ESX1: variants seen among roughly 807,000 people sequenced by gnomAD.
ESX1 encodes the protein homeobox protein ESX1.
In ESX1, 2 loss-of-function variants were observed where a neutral mutation model predicts 13.2. The ratio of observed to expected loss-of-function variants is 0.15; its 90% CI spans 0.06 to 0.48. The LOEUF is 0.48. ESX1 is among the 20% of genes least tolerant of loss of function. The pLI is 0.97. For missense variants in ESX1, 307 were observed against 379.0 expected (o/e 0.81, Z 1.58); for synonymous variants, 157 against 163.1 (o/e 0.96, Z 0.29).
intron 1 of ESX1, 47 bp from the exon 2 acceptor site, chrX:104,254,624 C>G: frequency 8.5e-7 from 1 of 1,182,033 alleles, no homozygotes; most frequent in Non-Finnish European, 1.1e-6. Flanking sequence ...TTGGAGCCCA[C>G]GGCGCGTGGG....
chrX:104,250,236 A>G lies in ESX1; in HGVS notation c.1213T>C (p.Phe405Leu). 1.7e-6 allele frequency: 2 copies of G among 1,205,642 alleles called. No individual in the cohort carries two copies. The highest frequency in any genetic ancestry group is 2.2e-6 in the Non-Finnish European group (2 of 892,265). Reference sequence around the variant, plus strand: ...GTTATGAATACCTTACTTTAGAAAAAGGGACATGCATAATAACTGTTGATG... The same window carrying G: ...GTTATGAATACCTTACTTTAGAAAAGGGGACATGCATAATAACTGTTGATG... ...PVINSYYACPFF is the reference protein window; with the variant it reads ...PVINSYYACPLF The change falls in exon 4 of 4, where the codon TTT becomes CTT. Residue 405 changes from phenylalanine (F) to leucine (L), a missense_variant. Phe to Leu is a conservative substitution (Grantham distance 22, BLOSUM62 0). This residue lies in a region of ESX1 where 47 missense variants were observed against 117.0 expected (regional missense o/e 0.40). Transcript: ENST00000372588.
chrX:104,254,004 C>A (rs1291019596), intron 2 of ESX1, 150 bp downstream of exon 2: 3 of 710,957 alleles, frequency 4.2e-6, no homozygotes, highest in Non-Finnish European at 6.2e-6. Context: ...ACCCTAGTCC[C>A]GCCCCAGTCT....
chrX:104,254,814 A>G lies in ESX1; in HGVS notation c.36T>C (p.Ile12=), dbSNP rs1923293809. The change falls in exon 1 of 4, where the codon ATT becomes ATC. Residue 12 remains isoleucine (I), a synonymous_variant. Transcript: ENST00000372588. ...CGCCGACTGCCAGGCTGCGGTAGCC[A>G]ATATCACTGTGGGTGTACCCGCGAA... The part of the protein sequence containing the change: ...ESLRGYTHSD[I]GYRSLAVGED... 1 of 1,209,491 alleles carries G rather than the reference A, an allele frequency of 8.3e-7. No individual in the cohort carries two copies. The highest frequency in any genetic ancestry group is 3.0e-5 in the East Asian group (1 of 33,733).
intron 2 of ESX1, 100 bp downstream of exon 2, chrX:104,254,054 A>C (rs1162623111): frequency 4.8e-6 from 5 of 1,041,639 alleles, no homozygotes; most frequent in Non-Finnish European, 6.4e-6. Context: ...TCCCCCAAAA[A>C]CCAAGGGCGG....
rs1556393895 is a variant in ESX1, at chrX:104,250,437, G to A, written c.1012C>T (p.Arg338Cys). Residue 338 changes from arginine to cysteine, a missense_variant, in exon 4 of 4, where the codon CGT (arginine) becomes TGT (cysteine). By Grantham distance (180) the Arg-to-Cys change is radical. This residue lies in a region of ESX1 where 47 missense variants were observed against 117.0 expected (regional missense o/e 0.40). Transcript: ENST00000372588. ...ARVPPGPPMARVPPGPPMAPL... is the reference protein window; with the variant it reads ...ARVPPGPPMACVPPGPPMAPL... ...GCCATGGGCGGCCCGGGTGGCACAC[G>A]CGCCATGGGCGGCCCGGGTGGCACA... 2.2e-6 allele frequency: 2 copies of A among 926,306 alleles called. No individual in the cohort carries two copies. Among genetic ancestry groups the A allele is most frequent in the South Asian group, 1.1e-4 (2 of 17,778 alleles). The allele number at this position is 926,306 out of a possible 1,213,427, so 76.3% of individuals were successfully genotyped here.
intron 2 of ESX1, 56 bp downstream of exon 2, chrX:104,254,098 A>G: frequency 9.6e-6 from 11 of 1,144,658 alleles, no homozygotes; most frequent in Non-Finnish European, 1.3e-5. Context: ...CGTGGCTTTT[A>G]GCTCCGGTGA....
rs191047430 is a variant in ESX1, at chrX:104,253,445, G to A, written c.507-617C>T. Among the ~76,000 whole-genome samples the A allele has an allele frequency of 3.2e-4, 35 of 110,789 alleles. No homozygotes were observed. The East Asian group carries it at 7.7e-3, about 24-fold the overall frequency. On this transcript the variant is annotated intron_variant, in intron 2 of 3. Transcript: ENST00000372588. The stretch of plus-strand genomic sequence containing the variant: ...AATTAAATGCCAAAACACCTTTAAA[G>A]CGCTGTATTGAACCACAGTATTTCT...
At position 104,254,540 on chromosome X, in the gene ESX1, T is replaced by C; in HGVS notation, c.120A>G (p.Gly40=). 8.3e-7 allele frequency: 1 copy of C among 1,209,625 alleles called. No homozygotes were observed. The highest frequency in any genetic ancestry group is 1.1e-6 in the Non-Finnish European group (1 of 893,987). Residue 40 remains glycine, a synonymous_variant, in exon 2 of 4, where the codon GGA becomes GGG. Transcript: ENST00000372588. The part of the protein sequence containing the change: ...KLTVTSLMAR[G]GEDEENTRSK... ...ACCGTGTATTCTCCTCGTCCTCTCC[T>C]CCCCTTGCCATCAGCGAGGTCACGG...
chrX:104,251,604 T>A (rs782217828), intron 3 of ESX1, among the ~76,000 whole-genome samples: 85 of 112,329 alleles, frequency 7.6e-4, no homozygotes, highest in Admixed American at 1.7e-3. Context: ...TTATTTATTT[T>A]TTTGCAAATA....
Position 104,254,314 on chromosome X carries a change from T to C in ESX1, c.346A>G (p.Thr116Ala). 1.7e-6 allele frequency: 2 copies of C among 1,211,291 alleles called. No homozygotes were observed. Among genetic ancestry groups the C allele is most frequent in the South Asian group, 3.5e-5 (2 of 56,971 alleles). The change falls in exon 2 of 4, where the codon ACG becomes GCG. Residue 116 changes from threonine (T) to alanine (A), a missense_variant. Around this residue, in one of 3 missense-constraint regions of ESX1, gnomAD observed 152 missense variants for 114.5 expected, o/e 1.33. Coordinates refer to ENST00000372588, the MANE Select transcript of ESX1 (RefSeq NM_153448.4). ...GCCGGCTGTGGCCCCTCCACGGTCG[T>C]CTGGGGCGGCTCCTCCTGCTCTTGC... ...LKQEQEEPPQ[T>A]TVEGPQPAEG...
chrX:104,250,331 G>GCCATGGGCGGCCCGGGTGGCAGAGGCA lies in ESX1; in HGVS notation c.1117_1118insTGCCTCTGCCACCCGGGCCGCCCATGG (p.Met372_Ala373insValProLeuProProGlyProProMet). On this transcript the variant is annotated inframe_insertion, in exon 4 of 4. Coordinates refer to ENST00000372588, the MANE Select transcript of ESX1 (RefSeq NM_153448.4). ...CACATGTGACCTGGGTGGCAGAGGC[G>GCCATGGGCGGCCCGGGTGGCAGAGGCA]CCATGGGCGGCCCGGGTGGCAGAGG... 2.6e-6 allele frequency: 3 copies of GCCATGGGCGGCCCGGGTGGCAGAGGCA among 1,150,608 alleles called. No individual in the cohort carries two copies. Among genetic ancestry groups the GCCATGGGCGGCCCGGGTGGCAGAGGCA allele is most frequent in the South Asian group, 2.1e-5 (1 of 48,280 alleles). The allele number at this position is 1,150,608 out of a possible 1,213,427, so 94.8% of individuals were successfully genotyped here.
At chrX:104,253,870 T>C (rs1001115927) in intron 2 of ESX1, among the ~76,000 whole-genome samples, 20 of 112,373 alleles carry the variant, frequency 1.8e-4, no homozygotes, top group African/African-American at 6.5e-4. Context: ...AACTCGATAA[T>C]CAAGACAAAT....
rs782244420 is a variant in ESX1, at chrX:104,252,853, T to C, written c.507-25A>G. On this transcript the variant is annotated intron_variant, in intron 2 of 3. Coordinates refer to ENST00000372588, the MANE Select transcript of ESX1 (RefSeq NM_153448.4). ...TCTTAGGGGAGAAAATTACAAATAT[T>C]CAGTATTTGGAGTTGTGGATAAAAT... is the stretch of plus-strand genomic sequence containing the variant. 3 of 1,187,323 alleles carry C rather than the reference T, an allele frequency of 2.5e-6. No homozygotes were observed. The African/African-American group carries it at 5.3e-5, about 21-fold the overall frequency.
chrX:104,254,193 T>C lies in ESX1; in HGVS notation c.467A>G (p.Asn156Ser). Reference protein sequence around the residue: ...FTQFQLQELENFFDESQYPDV... With the variant: ...FTQFQLQELESFFDESQYPDV... ...GGGATATTGAGATTCATCGAAAAAG[T>C]TCTCTAGCTCCTGCAGCTGAAACTG... The change falls in exon 2 of 4, where the codon AAC becomes AGC. Residue 156 changes from asparagine (N) to serine (S), a missense_variant. Physicochemically the swap from Asn to Ser is conservative, Grantham distance 46. Around this residue, in one of 3 missense-constraint regions of ESX1, gnomAD observed 108 missense variants for 147.5 expected, o/e 0.73. Transcript: ENST00000372588. 3 of 1,209,344 alleles carry C rather than the reference T, an allele frequency of 2.5e-6. No homozygotes were observed. Among genetic ancestry groups the C allele is most frequent in the Non-Finnish European group, 3.4e-6 (3 of 894,009 alleles).
chrX:104,252,978 G>A, intron 2 of ESX1, 150 bp from the exon 3 acceptor site: 1 of 460,058 alleles, frequency 2.2e-6, no homozygotes, highest in Middle Eastern at 6.0e-4. Flanking sequence ...GTGAAACCCT[G>A]TCTCTACTAA....
intron 2 of ESX1, among the ~76,000 whole-genome samples, chrX:104,253,412 C>CA (rs200837251): frequency 0.17 from 18,575 of 106,612 alleles, 1,343 homozygotes; most frequent in African/African-American, 0.25. Context: ...AAAAAAAAAA[C>CA]AAAAAAAAAT....
rs202022977 is a variant in ESX1 at position 104,254,795 on chromosome X, C to A, written c.55G>T (p.Val19Phe). The change falls in exon 1 of 4, where the codon GTC becomes TTC. Residue 19 changes from valine (V) to phenylalanine (F), a missense_variant. Around this residue, in one of 3 missense-constraint regions of ESX1, gnomAD observed 152 missense variants for 114.5 expected, o/e 1.33. Transcript: ENST00000372588. The part of the protein sequence containing the change: ...HSDIGYRSLA[V>F]GEDIEEVNDE... ...TTCACTTCCTCGATGTCCTCGCCGA[C>A]TGCCAGGCTGCGGTAGCCAATATCA... 1.0e-4 allele frequency: 124 copies of A among 1,209,509 alleles called. No homozygotes were observed. The highest frequency in any genetic ancestry group is 1.3e-4 in the Non-Finnish European group (118 of 894,314).
chrX:104,254,017 T>A (rs1354776456), intron 2 of ESX1, 137 bp downstream of exon 2: 4 of 771,761 alleles, frequency 5.2e-6, no homozygotes, highest in African/African-American at 4.2e-5. Flanking sequence ...CCCAGTCTTT[T>A]ACATCCTCCG....
At position 104,254,433 on chromosome X, in the gene ESX1, C is replaced by T. The variant is rs782550673; in HGVS notation, c.227G>A (p.Gly76Asp). 1.6e-6 allele frequency: 2 copies of T among 1,212,207 alleles called. No individual in the cohort carries two copies. The highest frequency in any genetic ancestry group is 3.0e-5 in the East Asian group (1 of 33,839). ...TTGCTCCGGCTCGTGGCCGCCGCCA[C>T]CCTCACGGTCTTGGTCGTCCGAGGG... ...SVPSDDQDRE[G>D]GGGHEPEQQQ... The change falls in exon 2 of 4, where the codon GGT becomes GAT. Residue 76 changes from glycine to aspartate, a missense_variant. Physicochemically the swap from Gly to Asp is moderately conservative, Grantham distance 94. Around this residue, in one of 3 missense-constraint regions of ESX1, gnomAD observed 152 missense variants for 114.5 expected, o/e 1.33. Coordinates refer to ENST00000372588, the MANE Select transcript of ESX1 (RefSeq NM_153448.4).
Sources: allele counts gnomAD v4.1 joint callset (sites outside exome capture counted in the v4.1 genomes callset), GRCh38; gene constraint gnomAD v4.1.1; regional missense constraint gnomAD v4.1.1; transcripts MANE v1.5; gene names NCBI Gene and HGNC (gene_info 2026-07-23, HGNC 2026-07-21).